Variants in MTCL1 observed in about 807,000 individuals in gnomAD.
MTCL1 encodes the protein microtubule cross-linking factor 1.
A neutral mutation model predicts 141.4 loss-of-function variants in MTCL1; 79 were observed. That is an observed-to-expected ratio of 0.56 (90% CI 0.47 to 0.67). MTCL1 has a LOEUF of 0.67. Among genes scored for constraint, MTCL1 ranks in the 30% least tolerant of loss-of-function variants. The probability of loss-of-function intolerance (pLI) is 0.00; values close to 1 mark genes in which losing one functional copy is unlikely to be tolerated. For synonymous variants in MTCL1, 914 were observed against 875.8 expected (o/e 1.04, Z -0.77); for missense variants, 2,177 against 2,113.9 (o/e 1.03, Z -0.59).
At chr18:8,829,416 C>T (rs2077127018) in intron 16 of MTCL1, 2 of 983,644 alleles carry the variant, frequency 2.0e-6, no homozygotes, top group Non-Finnish European at 1.2e-6. Flanking sequence ...TTTTGTTTTT[C>T]ATTTTTCAAC....
upstream of MTCL1, among the ~76,000 whole-genome samples, chr18:8,712,648 G>A (rs990405926): frequency 2.0e-5 from 3 of 152,182 alleles, no homozygotes; most frequent in South Asian, 6.2e-4. Flanking sequence ...ATTTTCAGTG[G>A]CAGTTAATGT....
At chr18:8,809,626 A>G (rs2076413169) in intron 11 of MTCL1, 6 of 1,528,332 alleles carry the variant, frequency 3.9e-6, no homozygotes, top group Middle Eastern at 3.5e-4. Context: ...ACACACCTGA[A>G]AAAAACGGAG....
chr18:8,786,120 C>CCCAT, intron 7 of MTCL1, 29 bp downstream of exon 6: 2 of 1,345,742 alleles, frequency 1.5e-6, no homozygotes, highest in South Asian at 1.3e-5. Context: ...TCCCCCCCCC[C>CCCAT]CGCCCTCCCC....
chr18:8,792,618 G>A (rs1011399439), intron 7 of MTCL1, among the ~76,000 whole-genome samples: 1 of 152,212 alleles, frequency 6.6e-6, no homozygotes, highest in Non-Finnish European at 1.5e-5. Flanking sequence ...GTAATAGGTG[G>A]TCATGCTTGC....
At chr18:8,737,304 G>A (rs2096279356) in intron 4 of MTCL1, among the ~76,000 whole-genome samples, 1 of 152,208 alleles carries the variant, frequency 6.6e-6, no homozygotes, top group African/African-American at 2.4e-5. Flanking sequence ...TTAGTAAATA[G>A]CTTAAACAGA....
Position 8,718,625 on chromosome 18 carries a change from C to T in MTCL1, c.175C>T (p.Arg59Ter), listed in dbSNP as rs1253109072. The stretch of plus-strand genomic sequence containing the variant: ...GGGTCAGGTGGATGGTGAGCTTATT[C>T]GAAGCCTGGAGCAGGACTTGAAGGT... The change falls in exon 3 of 17, where the codon CGA becomes TGA. Residue 59 changes from arginine (R) to a stop codon, truncating the protein, a stop_gained. Transcript: ENST00000359865. LOFTEE classifies it high-confidence loss of function. The T allele has an allele frequency of 6.2e-7, 1 of 1,613,064 alleles. No individual in the cohort carries two copies. The highest frequency in any genetic ancestry group is 1.3e-5 in the African/African-American group (1 of 74,888).
intron 4 of MTCL1, among the ~76,000 whole-genome samples, chr18:8,769,204 G>A (rs2096474058): frequency 6.6e-6 from 1 of 152,178 alleles, no homozygotes; most frequent in African/African-American, 2.4e-5. Context: ...CCCATCTGTA[G>A]GGGTTTCTCA....
chr18:8,760,459 G>A (rs957537752), intron 4 of MTCL1, among the ~76,000 whole-genome samples: 2 of 152,240 alleles, frequency 1.3e-5, no homozygotes, highest in Admixed American at 1.3e-4. Flanking sequence ...CTCTAGGGCA[G>A]TGCCTTGAGG....
Position 8,828,609 on chromosome 18 carries a change from C to T in MTCL1, c.4723-299C>T, listed in dbSNP as rs561085417. Among the ~76,000 whole-genome samples the T allele has an allele frequency of 3.3e-4, 50 of 152,188 alleles. No individual in the cohort carries two copies. Among genetic ancestry groups the T allele is most frequent in the Non-Finnish European group, 5.1e-4 (35 of 68,034 alleles). ...AAATGTTAAATGCTAAAGGGTGACTCGGAAGCATAGAAACTAGAGGGAGGT... is the reference window on the plus strand; with the variant it reads ...AAATGTTAAATGCTAAAGGGTGACTTGGAAGCATAGAAACTAGAGGGAGGT... On this transcript the variant is annotated intron_variant, in intron 15 of 16. Coordinates refer to ENST00000359865, the Ensembl canonical transcript of MTCL1. The surrounding 1 kb of genome is among the most constrained non-coding windows in gnomAD (Gnocchi z 5.2).
chr18:8,802,105 G>A (rs2076142146), intron 10 of MTCL1: 1 of 152,252 alleles, frequency 6.6e-6, no homozygotes. Flanking sequence ...CTGTGTGAAT[G>A]TATCAATTCT....
At position 8,741,166 on chromosome 18, in the gene MTCL1, G is replaced by T. The variant is rs569925060; in HGVS notation, c.357+20670G>T. Reference sequence around the variant, plus strand: ...GGGGATGGGGAACACTTTGAAGTGGGATGGGTGGAAGGAGTTTGAAGATTG... The same window carrying T: ...GGGGATGGGGAACACTTTGAAGTGGTATGGGTGGAAGGAGTTTGAAGATTG... On this transcript the variant is annotated intron_variant, in intron 4 of 16. Coordinates refer to ENST00000359865, the Ensembl canonical transcript of MTCL1. Among the ~76,000 whole-genome samples, 6 of 151,790 alleles carry T rather than the reference G, an allele frequency of 4.0e-5. No homozygotes were observed. The South Asian group carries it at 1.2e-3, about 31-fold the overall frequency.
Position 8,759,599 on chromosome 18 carries a change from G to A in MTCL1, c.358-18234G>A, listed in dbSNP as rs565576040. Among the ~76,000 whole-genome samples the A allele has an allele frequency of 2.4e-4, 37 of 152,224 alleles. No individual in the cohort carries two copies. In the East Asian group the frequency reaches 6.4e-3, roughly 26 times the overall value. Reference sequence around the variant, plus strand: ...GTCACAACCCAAAAACAATCTTATGGGAAGAAAACTTTTCAAAGAGCCAAA... The same window carrying A: ...GTCACAACCCAAAAACAATCTTATGAGAAGAAAACTTTTCAAAGAGCCAAA... On this transcript the variant is annotated intron_variant, in intron 4 of 16. Coordinates refer to ENST00000359865, the Ensembl canonical transcript of MTCL1.
chr18:8,815,540 G>A (rs1271578630), intron 12 of MTCL1, among the ~76,000 whole-genome samples: 1 of 150,598 alleles, frequency 6.6e-6, no homozygotes, highest in Non-Finnish European at 1.5e-5. Flanking sequence ...AATGGGTGCA[G>A]CACACCAGCA....
rs545104533 is a variant in MTCL1, at chr18:8,727,294, T to A, written c.357+6798T>A. On this transcript the variant is annotated intron_variant, in intron 4 of 16. Transcript: ENST00000359865. ...GTAGGTATTTTTTTAATATAATTTC[T>A]TTTGGGTAGATGCACATTAATGAGA... 2.6e-5 allele frequency among the ~76,000 whole-genome samples: 4 copies of A among 152,306 alleles called. No individual in the cohort carries two copies. The South Asian group carries it at 6.2e-4, about 24-fold the overall frequency.
rs2144569214 is a variant in MTCL1, at chr18:8,830,830, CATTCTTTAA to C, written c.*19-775_*19-767del. 2.0e-6 allele frequency: 2 copies of C among 985,434 alleles called. No individual in the cohort carries two copies. Among genetic ancestry groups the C allele is most frequent in the Non-Finnish European group, 1.2e-6 (1 of 829,932 alleles). 61.0% of individuals were successfully genotyped at this position (985,434 alleles called of 1,614,324 possible). A position where few individuals can be genotyped will look rare whatever the true frequency, so the allele number is the denominator to read the frequency against. ...TAACATGTAAGGACAAGGAGCTCAA[CATTCTTTAA>C]AAACAAAGTAGCTTGAGAATAAGGA... On this transcript the variant is annotated intron_variant, in intron 16 of 16. Coordinates refer to ENST00000359865, the Ensembl canonical transcript of MTCL1. This position sits in a 1 kb window ranked among gnomAD's most constrained non-coding sequence, Gnocchi z 6.4.
chr18:8,792,322 C>T (rs895402524), intron 7 of MTCL1, among the ~76,000 whole-genome samples: 1 of 152,132 alleles, frequency 6.6e-6, no homozygotes, highest in African/African-American at 2.4e-5. Flanking sequence ...GTAGACTTTA[C>T]CAATAAAAAT....
chr18:8,744,002 T>A (rs181031250), intron 4 of MTCL1, among the ~76,000 whole-genome samples: 103 of 152,392 alleles, frequency 6.8e-4, no homozygotes, highest in Non-Finnish European at 7.8e-4. Context: ...TCTGCATGAC[T>A]GGATACTTCC....
At chr18:8,714,879 C>T (rs544007825), upstream of MTCL1, among the ~76,000 whole-genome samples, 20 of 152,106 alleles carry the variant, frequency 1.3e-4, no homozygotes, top group Non-Finnish European at 2.5e-4. Flanking sequence ...TCACTGCAAG[C>T]TCCACCTCCC....
chr18:8,726,531 GTGC>G, intron 4 of MTCL1, among the ~76,000 whole-genome samples: 1 of 96,360 alleles, frequency 1.0e-5, no homozygotes, highest in African/African-American at 5.0e-5. Context: ...GAGAGAGCGA[GTGC>G]GCATGCGCGC....
Sources: gnomAD v4.1 joint callset for allele counts (sites outside exome capture counted in the v4.1 genomes callset) on GRCh38, gnomAD v4.1.1 for gene constraint, Gnocchi (gnomAD v3.1) non-coding constraint, MANE v1.5 for transcripts, NCBI Gene and HGNC (gene_info 2026-07-23, HGNC 2026-07-21) for gene names.